GRK1: variants seen among roughly 807,000 people sequenced by gnomAD.
The protein encoded by GRK1 is rhodopsin kinase GRK1.
Under a neutral mutation model 41.7 loss-of-function variants are expected in GRK1, and 28 were observed. The observed-to-expected ratio is 0.67, with a 90% confidence interval of 0.50 to 0.92. The LOEUF is 0.92. Among genes scored for constraint, GRK1 ranks in the 40% least tolerant of loss-of-function variants. The pLI, the probability that GRK1 is intolerant of heterozygous loss-of-function variation, is 0.00. For synonymous variants in GRK1, 327 were observed against 286.7 expected (o/e 1.14, Z -1.42); for missense variants, 703 against 671.2 (o/e 1.05, Z -0.52).
chr13:113,733,765 ATGTG>A (rs762421342), intron 6 of GRK1, among the ~76,000 whole-genome samples: 1 of 66,934 alleles, frequency 1.5e-5, no homozygotes, highest in Non-Finnish European at 3.2e-5. Flanking sequence ...GTGCGTGTGT[ATGTG>A]TGTGCATACG....
In GRK1 at chr13:113,668,077, G is replaced by A; in HGVS notation, c.691G>A (p.Gly231Ser). ...LNKKRLKKRK[G>S]YQGAMVEKKI... The stretch of plus-strand genomic sequence containing the variant: ...CAAGAAGCGGCTGAAGAAGAGGAAG[G>A]GCTACCAGGTGAGCAGCGCGACCCG... The change falls in exon 1 of 7, where the codon GGC becomes AGC. Residue 231 changes from glycine to serine, a missense_variant. Coordinates refer to ENST00000335678, the MANE Select transcript of GRK1 (RefSeq NM_002929.3). 6.2e-7 allele frequency: 1 copy of A among 1,605,614 alleles called. No homozygotes were observed. The highest frequency in any genetic ancestry group is 8.5e-7 in the Non-Finnish European group (1 of 1,176,562).
the GRK1 span, chr13:113,650,503 T>G: frequency 6.2e-7 from 1 of 1,611,802 alleles, no homozygotes; most frequent in Non-Finnish European, 8.5e-7. The surrounding 1 kb of genome is among the most constrained non-coding windows in gnomAD (Gnocchi z 5.0). Context: ...CTCGCGGGGC[T>G]GGTCCTGGGG....
intron 4 of GRK1, 91 bp downstream of exon 4, chr13:113,723,248 G>A: frequency 1.6e-6 from 1 of 619,352 alleles, no homozygotes; most frequent in Admixed American, 2.2e-5. Flanking sequence ...ACATACATGT[G>A]AGTTTGTGTA....
chr13:113,667,966 A>C lies in GRK1; in HGVS notation c.580A>C (p.Arg194=). 2 of 1,610,492 alleles carry C rather than the reference A, an allele frequency of 1.2e-6. No homozygotes were observed. The highest frequency in any genetic ancestry group is 1.7e-6 in the Non-Finnish European group (2 of 1,178,564). The change falls in exon 1 of 7, where the codon AGG becomes CGG. Residue 194 remains arginine, a synonymous_variant. Transcript: ENST00000335678. The surrounding 1 kb of genome is among the most constrained non-coding windows in gnomAD (Gnocchi z 7.5). ...PMGEDWFLDF[R]VLGKGGFGEV... ...GGGGGAGGACTGGTTCCTGGACTTCAGGGTCCTAGGGAAAGGGGGCTTCGG... is the reference window on the plus strand; with the variant it reads ...GGGGGAGGACTGGTTCCTGGACTTCCGGGTCCTAGGGAAAGGGGGCTTCGG...
chr13:113,660,330 T>C, the GRK1 span, among the ~76,000 whole-genome samples: 1 of 151,996 alleles, frequency 6.6e-6, no homozygotes, highest in Non-Finnish European at 1.5e-5. Context: ...GTGGAGACCA[T>C]ATGGAAAGCC....
intron 4 of GRK1, among the ~76,000 whole-genome samples, chr13:113,729,833 C>T (rs183231174): frequency 7.9e-5 from 12 of 151,736 alleles, no homozygotes; most frequent in African/African-American, 2.7e-4. Flanking sequence ...AGCCCAGACC[C>T]GTCCTTCCAT....
upstream of GRK1, among the ~76,000 whole-genome samples, chr13:113,666,050 G>C (rs2049816163): frequency 6.8e-6 from 1 of 146,672 alleles, no homozygotes; most frequent in African/African-American, 2.6e-5. Context: ...GCATATCCCA[G>C]GTGTGCCTCA....
chr13:113,733,994 A>C, intron 6 of GRK1, among the ~76,000 whole-genome samples: 1 of 81,000 alleles, frequency 1.2e-5, no homozygotes, highest in African/African-American at 6.2e-5. Context: ...GTGTGCATAC[A>C]TGTGTGTGCG....
At chr13:113,670,131 T>C (rs1293309267) in intron 2 of GRK1, among the ~76,000 whole-genome samples, 3 of 152,124 alleles carry the variant, frequency 2.0e-5, no homozygotes, top group Non-Finnish European at 4.4e-5. Flanking sequence ...TCTGCAGGGC[T>C]GAGGGCCTTG....
At position 113,731,124 on chromosome 13, in the gene GRK1, G is replaced by C; in HGVS notation, c.1070-95G>C. 6.8e-7 allele frequency: 1 copy of C among 1,464,708 alleles called. No individual in the cohort carries two copies. Among genetic ancestry groups the C allele is most frequent in the Non-Finnish European group, 9.1e-7 (1 of 1,100,588 alleles). The allele number at this position is 1,464,708 out of a possible 1,614,324, so 90.7% of individuals were successfully genotyped here. A position where few individuals can be genotyped will look rare whatever the true frequency, so the allele number is the denominator to read the frequency against. On this transcript the variant is annotated intron_variant, in intron 4 of 6. Transcript: ENST00000335678. This position sits in a 1 kb window ranked among gnomAD's most constrained non-coding sequence, Gnocchi z 5.6. The stretch of plus-strand genomic sequence containing the variant: ...GTGGAGAGTGCTGAGGCCCCGGGGG[G>C]GATGCATCCCCAGAGCATCAGTCCT...
chr13:113,649,135 C>T, the GRK1 span: 3 of 371,448 alleles, frequency 8.1e-6, no homozygotes, highest in East Asian at 1.6e-4. The surrounding 1 kb of genome is among the most constrained non-coding windows in gnomAD (Gnocchi z 4.7). Flanking sequence ...GGTAGCTGGA[C>T]ATTCTTATAG....
chr13:113,668,337 T>G (rs935992599), intron 1 of GRK1, among the ~76,000 whole-genome samples: 3 of 152,198 alleles, frequency 2.0e-5, no homozygotes, highest in Admixed American at 6.5e-5. Context: ...CCACGTTCAC[T>G]CGTCGGTTTT....
At chr13:113,729,797 C>G (rs2049920451) in intron 4 of GRK1, among the ~76,000 whole-genome samples, 1 of 151,788 alleles carries the variant, frequency 6.6e-6, no homozygotes, top group African/African-American at 2.4e-5. Flanking sequence ...ACCCACCCCT[C>G]CATCCCGAGA....
the GRK1 span, among the ~76,000 whole-genome samples, chr13:113,658,815 TG>T: frequency 6.6e-6 from 1 of 152,208 alleles, no homozygotes; most frequent in Admixed American, 6.5e-5. Context: ...AGGATTTTTT[TG>T]TGTCCATGGA....
intron 6 of GRK1, among the ~76,000 whole-genome samples, chr13:113,733,830 TGC>T (rs1328869702): frequency 7.4e-6 from 1 of 135,166 alleles, no homozygotes; most frequent in East Asian, 2.3e-4. Flanking sequence ...TGCGTGTGTG[TGC>T]ACGTGCGTGT....
the GRK1 span, chr13:113,653,432 C>T: frequency 1.2e-6 from 2 of 1,613,514 alleles, no homozygotes; most frequent in Middle Eastern, 1.6e-4. Context: ...CTTAAGGTTA[C>T]CCCTGGAGAG....
At chr13:113,661,699 G>A in the GRK1 span, among the ~76,000 whole-genome samples, 1 of 152,164 alleles carries the variant, frequency 6.6e-6, no homozygotes, top group South Asian at 2.1e-4. Flanking sequence ...GATAAGGAAG[G>A]AAATACTTGC....
chr13:113,734,570 C>T (rs147006233), intron 6 of GRK1: 4,205 of 152,702 alleles, frequency 0.028, 105 homozygotes, highest in Admixed American at 0.057. Context: ...TGTCTGTGAC[C>T]GGCTGTGCCT....
At chr13:113,735,017 C>T (rs1197237402) in intron 6 of GRK1, 51 bp from the exon 7 acceptor site, 2 of 1,443,862 alleles carry the variant, frequency 1.4e-6, no homozygotes, top group South Asian at 2.9e-5. Context: ...CTAAACGGCG[C>T]TTCCTTCCCA....
Sources: gnomAD v4.1 joint callset for allele counts (sites outside exome capture counted in the v4.1 genomes callset) on GRCh38, gnomAD v4.1.1 for gene constraint, Gnocchi (gnomAD v3.1) non-coding constraint, MANE v1.5 for transcripts, NCBI Gene and HGNC (gene_info 2026-07-23, HGNC 2026-07-21) for gene names.